The following FRMD4A variants were observed in gnomAD, a reference collection of about 807,000 sequenced individuals.
FRMD4A encodes the protein FERM domain containing 4A.
A neutral mutation model predicts 129.1 loss-of-function variants in FRMD4A; 29 were observed. That is an observed-to-expected ratio of 0.22 (90% confidence interval 0.17 to 0.31). FRMD4A has a LOEUF of 0.31. Among genes scored for constraint, FRMD4A ranks in the 10% least tolerant of loss-of-function variants. The pLI is 1.00. For missense variants in FRMD4A, 1,272 were observed against 1,375.8 expected (o/e 0.92, Z 1.19); for synonymous variants, 634 against 571.6 (o/e 1.11, Z -1.56).
intron 2 of FRMD4A, among the ~76,000 whole-genome samples, chr10:14,185,297 AG>A (rs1338131644): frequency 2.1e-5 from 3 of 144,728 alleles, no homozygotes; most frequent in Non-Finnish European, 3.2e-5. Flanking sequence ...TCCCAGCAGA[AG>A]GATGTAGAGA....
intron 2 of FRMD4A, among the ~76,000 whole-genome samples, chr10:14,316,303 G>T (rs1216800580): frequency 2.0e-5 from 3 of 152,012 alleles, no homozygotes; most frequent in Non-Finnish European, 4.4e-5. Flanking sequence ...ACCTTCATGG[G>T]TGGAATTGTG....
intron 2 of FRMD4A, among the ~76,000 whole-genome samples, chr10:14,078,285 A>T (rs1835725481): frequency 6.6e-6 from 1 of 152,216 alleles, no homozygotes; most frequent in Non-Finnish European, 1.5e-5. Context: ...GAGGGTCATT[A>T]AGCTGTGTCC....
intron 8 of FRMD4A, among the ~76,000 whole-genome samples, chr10:13,757,819 C>A (rs1353172327): frequency 6.6e-6 from 1 of 152,240 alleles, no homozygotes; most frequent in Non-Finnish European, 1.5e-5. Flanking sequence ...TCTCAGCTCA[C>A]TGCAACCTCC....
intron 2 of FRMD4A, among the ~76,000 whole-genome samples, chr10:14,300,371 T>C (rs1226367015): frequency 6.6e-6 from 1 of 152,204 alleles, no homozygotes; most frequent in African/African-American, 2.4e-5. Context: ...TCATCCTGTA[T>C]TCACTTGCCC....
intron 8 of FRMD4A, among the ~76,000 whole-genome samples, chr10:13,755,026 A>G (rs2091798818): frequency 6.6e-6 from 1 of 152,200 alleles, no homozygotes; most frequent in Non-Finnish European, 1.5e-5. Context: ...CAGGGAAATG[A>G]TATTGGTATA....
At position 13,693,879 on chromosome 10, in the gene FRMD4A, C is replaced by G. The variant is rs1321339526; in HGVS notation, c.1117+19G>C. 4 of 1,608,006 alleles carry G rather than the reference C, an allele frequency of 2.5e-6. No individual in the cohort carries two copies. The highest frequency in any genetic ancestry group is 3.4e-6 in the Non-Finnish European group (4 of 1,177,824). Reference sequence around the variant, plus strand: ...CCAGCCATGCTCAGGGGGCGTCCCTCCAGCTGGCCTCTGCCTACCTGAAGA... The same window carrying G: ...CCAGCCATGCTCAGGGGGCGTCCCTGCAGCTGGCCTCTGCCTACCTGAAGA... On this transcript the variant is annotated intron_variant, in intron 15 of 24. Transcript: ENST00000357447.
At chr10:13,996,743 G>T (rs1337589027) in intron 2 of FRMD4A, among the ~76,000 whole-genome samples, 1 of 152,130 alleles carries the variant, frequency 6.6e-6, no homozygotes, top group Non-Finnish European at 1.5e-5. Flanking sequence ...ATAATAGCAG[G>T]ATTTTCTTCT....
Position 13,856,623 on chromosome 10 carries a change from C to T in FRMD4A, c.111+2224G>A, listed in dbSNP as rs566695166. Among the ~76,000 whole-genome samples, 50 of 152,016 alleles carry T rather than the reference C, an allele frequency of 3.3e-4. No homozygotes were observed. The Middle Eastern group carries it at 0.017, about 52-fold the overall frequency. ...TAAGAGAGACCAGCCAGGTCCAGGG[C>T]GCGGGGGTGTGGGAAGGAGCGTGTT... On this transcript the variant is annotated intron_variant, in intron 3 of 24. Transcript: ENST00000357447.
chr10:13,774,029 T>A (rs2092534549), intron 6 of FRMD4A, among the ~76,000 whole-genome samples: 2 of 152,198 alleles, frequency 1.3e-5, no homozygotes, highest in African/African-American at 4.8e-5. Context: ...CTAAATGAGA[T>A]GTATCCACGC....
intron 2 of FRMD4A, among the ~76,000 whole-genome samples, chr10:13,957,073 C>T (rs536378993): frequency 1.3e-5 from 2 of 152,322 alleles, no homozygotes; most frequent in South Asian, 2.1e-4. Context: ...CTCTGAACCA[C>T]GGGGAAACCC....
chr10:13,742,060 T>C (rs2091037164), intron 9 of FRMD4A, among the ~76,000 whole-genome samples: 1 of 152,190 alleles, frequency 6.6e-6, no homozygotes, highest in Non-Finnish European at 1.5e-5. Context: ...TTTTGCATGT[T>C]GGCCAGGCTG....
At chr10:13,733,569 C>T (rs554019207) in intron 12 of FRMD4A, among the ~76,000 whole-genome samples, 3 of 152,268 alleles carry the variant, frequency 2.0e-5, no homozygotes, top group African/African-American at 7.2e-5. Flanking sequence ...ATTATAGGCG[C>T]CCCGCCCCCG....
intron 2 of FRMD4A, among the ~76,000 whole-genome samples, chr10:13,929,349 C>G (rs961628857): frequency 5.9e-5 from 9 of 152,202 alleles, no homozygotes; most frequent in African/African-American, 1.9e-4. Context: ...GCTGGAGGTA[C>G]AGCGTGCTAC....
intron 2 of FRMD4A, among the ~76,000 whole-genome samples, chr10:14,211,662 A>G (rs1479237260): frequency 6.6e-6 from 1 of 152,136 alleles, no homozygotes; most frequent in Non-Finnish European, 1.5e-5. Context: ...TGCTATCCCC[A>G]TCAGAGCAAA....
At chr10:13,769,209 TTGTGTGTGTG>T (rs10558943) in intron 6 of FRMD4A, among the ~76,000 whole-genome samples, 2 of 145,080 alleles carry the variant, frequency 1.4e-5, no homozygotes, top group Non-Finnish European at 3.0e-5. Flanking sequence ...AAGAGATGGG[TTGTGTGTGTG>T]TGTGTGTGTG....
chr10:14,062,425 T>A (rs890721030), intron 2 of FRMD4A, among the ~76,000 whole-genome samples: 3 of 152,192 alleles, frequency 2.0e-5, no homozygotes, highest in Non-Finnish European at 2.9e-5. Flanking sequence ...CTCCCAGAGA[T>A]AAACATAGTC....
At chr10:13,714,869 C>G (rs1178584063) in intron 12 of FRMD4A, among the ~76,000 whole-genome samples, 1 of 152,020 alleles carries the variant, frequency 6.6e-6, no homozygotes, top group Non-Finnish European at 1.5e-5. Context: ...GAACCTCTGT[C>G]TCTACTAAAA....
intron 2 of FRMD4A, among the ~76,000 whole-genome samples, chr10:14,039,445 A>C (rs1186650994): frequency 2.2e-5 from 3 of 133,728 alleles, no homozygotes; most frequent in Non-Finnish European, 4.6e-5. Flanking sequence ...TTGGAACCCC[A>C]AAATCAATCA....
chr10:14,057,846 A>G (rs554040884), intron 2 of FRMD4A, among the ~76,000 whole-genome samples: 78 of 152,332 alleles, frequency 5.1e-4, no homozygotes, highest in South Asian at 4.4e-3. Flanking sequence ...CTGGGATTAC[A>G]AGCGTGAGCC....
Sources: allele counts gnomAD v4.1 joint callset (sites outside exome capture counted in the v4.1 genomes callset), GRCh38; gene constraint gnomAD v4.1.1; transcripts MANE v1.5; gene names NCBI Gene and HGNC (gene_info 2026-07-23, HGNC 2026-07-21).